ESR1: variants seen among roughly 807,000 people sequenced by gnomAD.
ESR1 encodes the protein estrogen receptor 1, also known as estrogen receptor.
A neutral mutation model predicts 52.7 loss-of-function variants in ESR1; 12 were observed. The ratio of observed to expected loss-of-function variants is 0.23; its 90% CI spans 0.15 to 0.37. The LOEUF is 0.37. Ranked by LOEUF, ESR1 falls within the 10% of genes least tolerant of loss-of-function variation. The pLI is 1.00. For missense variants in ESR1, 584 were observed against 779.7 expected (o/e 0.75, Z 2.99); for synonymous variants, 305 against 316.8 (o/e 0.96, Z 0.39).
chr6:151,942,814 CT>C (rs1056534427), intron 3 of ESR1, among the ~76,000 whole-genome samples: 2 of 152,074 alleles, frequency 1.3e-5, no homozygotes, highest in Non-Finnish European at 2.9e-5. Context: ...GTTGTATTAA[CT>C]TTTTATCAAA....
chr6:151,937,878 ACTT>A (rs1411417427), intron 3 of ESR1, among the ~76,000 whole-genome samples: 3 of 152,122 alleles, frequency 2.0e-5, no homozygotes, highest in East Asian at 3.9e-4. Flanking sequence ...GTTAATCTGA[ACTT>A]CTTTCTTTTC....
chr6:151,658,527 T>C (rs1163126450), intron 1 of ESR1, among the ~76,000 whole-genome samples: 1 of 152,192 alleles, frequency 6.6e-6, no homozygotes, highest in African/African-American at 2.4e-5. Flanking sequence ...TTTTATGGAG[T>C]CAATATCATC....
intron 2 of ESR1, among the ~76,000 whole-genome samples, chr6:151,707,601 G>A (rs574788526): frequency 6.6e-6 from 1 of 152,136 alleles, no homozygotes; most frequent in South Asian, 2.1e-4. Context: ...CTACTTAGGT[G>A]TTTTAACAAG....
At chr6:151,743,324 A>G (rs111261768) in intron 2 of ESR1, among the ~76,000 whole-genome samples, 158 of 152,260 alleles carry the variant, frequency 1.0e-3, no homozygotes, top group African/African-American at 3.5e-3. Context: ...TTGCCTGCCC[A>G]TGAGCTCCTT....
chr6:151,972,451 A>G (rs1298733808), intron 4 of ESR1, among the ~76,000 whole-genome samples: 1 of 152,214 alleles, frequency 6.6e-6, no homozygotes, highest in Non-Finnish European at 1.5e-5. Context: ...AAGATAATCA[A>G]CTATGATCAG....
intron 5 of ESR1, among the ~76,000 whole-genome samples, chr6:152,038,526 T>C (rs2982716): frequency 0.44 from 66,832 of 152,040 alleles, 16,637 homozygotes; most frequent in African/African-American, 0.67. Flanking sequence ...ATAATTACAC[T>C]GAACATAATA....
chr6:151,977,649 G>A (rs1479613507), intron 4 of ESR1, among the ~76,000 whole-genome samples: 1 of 151,866 alleles, frequency 6.6e-6, no homozygotes, highest in African/African-American at 2.4e-5. Flanking sequence ...ACAAAAATGA[G>A]CCTAGAGTGG....
intron 4 of ESR1, among the ~76,000 whole-genome samples, chr6:151,948,102 A>G (rs2035915095): frequency 6.6e-6 from 1 of 152,202 alleles, no homozygotes; most frequent in South Asian, 2.1e-4. Context: ...AAGGTTAAAA[A>G]GGAAAAAATA....
At chr6:152,106,486 A>G (rs1056986631), downstream of ESR1, among the ~76,000 whole-genome samples, 7 of 152,178 alleles carry the variant, frequency 4.6e-5, no homozygotes, top group African/African-American at 1.7e-4. Context: ...ATCTGGTAAT[A>G]TATTAATTCC....
chr6:151,722,337 G>A (rs763620424), intron 2 of ESR1, among the ~76,000 whole-genome samples: 4 of 152,156 alleles, frequency 2.6e-5, no homozygotes, highest in South Asian at 2.1e-4. Context: ...GAAGAAACAC[G>A]GTGAAAGCAA....
rs550582254 is a variant in ESR1, at chr6:152,112,313, T to A, written c.851-12953T>A. ...GATTTTTTTCCTCTATTTTCTGTGA[T>A]TGCTTAGAAGCAGAAAGTTAAAATA... On this transcript the variant is annotated intron_variant, in intron 6 of 6. Transcript: ENST00000427531. 5.9e-5 allele frequency among the ~76,000 whole-genome samples: 9 copies of A among 152,336 alleles called. No individual in the cohort carries two copies. The East Asian group carries it at 1.2e-3, about 20-fold the overall frequency.
At chr6:151,687,706 A>G (rs1778743837), upstream of ESR1, among the ~76,000 whole-genome samples, 1 of 152,208 alleles carries the variant, frequency 6.6e-6, no homozygotes, top group African/African-American at 2.4e-5. Flanking sequence ...CTGGAATGGG[A>G]GAATGTATCA....
chr6:151,767,472 C>T (rs879717401), intron 2 of ESR1, among the ~76,000 whole-genome samples: 3 of 152,024 alleles, frequency 2.0e-5, no homozygotes, highest in Non-Finnish European at 2.9e-5. Flanking sequence ...TAAATCTCCT[C>T]TCAGGACAGT....
chr6:152,076,127 A>G (rs192869614), intron 6 of ESR1, among the ~76,000 whole-genome samples: 121 of 152,318 alleles, frequency 7.9e-4, no homozygotes, highest in African/African-American at 2.4e-3. Flanking sequence ...CCCAAATTTC[A>G]TCTTGAATTT....
chr6:151,881,515 G>A (rs1273996007), intron 3 of ESR1, among the ~76,000 whole-genome samples: 1 of 152,184 alleles, frequency 6.6e-6, no homozygotes, highest in Non-Finnish European at 1.5e-5. Context: ...CCCCATAAAT[G>A]TGGTTGCCTG....
chr6:151,887,580 C>G (rs918762601), intron 3 of ESR1, among the ~76,000 whole-genome samples: 1 of 152,004 alleles, frequency 6.6e-6, no homozygotes, highest in Non-Finnish European at 1.5e-5. Flanking sequence ...TCATGAGAAA[C>G]CTTCTTAGAA....
intron 2 of ESR1, among the ~76,000 whole-genome samples, chr6:151,795,604 G>A (rs1308004172): frequency 1.3e-5 from 2 of 151,778 alleles, no homozygotes; most frequent in Non-Finnish European, 2.9e-5. Flanking sequence ...CAAAAAGTTC[G>A]AAGATCCATC....
intron 5 of ESR1, among the ~76,000 whole-genome samples, chr6:152,016,668 A>G (rs1160278394): frequency 1.3e-5 from 2 of 152,212 alleles, no homozygotes; most frequent in Non-Finnish European, 2.9e-5. Flanking sequence ...TCTGATGCAG[A>G]TGACACATGG....
chr6:152,029,300 T>C (rs2044455978), intron 5 of ESR1, among the ~76,000 whole-genome samples: 1 of 152,198 alleles, frequency 6.6e-6, no homozygotes, highest in Non-Finnish European at 1.5e-5. Flanking sequence ...AGAATGACTT[T>C]GACTAATTGA....
Sources: gnomAD v4.1 joint callset for allele counts (sites outside exome capture counted in the v4.1 genomes callset) on GRCh38, gnomAD v4.1.1 for gene constraint, MANE v1.5 for transcripts, NCBI Gene and HGNC (gene_info 2026-07-23, HGNC 2026-07-21) for gene names.